Variants in INPP4B observed in about 807,000 individuals in gnomAD.
INPP4B encodes the protein inositol polyphosphate 4-phosphatase type II.
A neutral mutation model predicts 122.5 loss-of-function variants in INPP4B; 55 were observed. That is an observed-to-expected ratio of 0.45 (90% CI 0.36 to 0.56). The LOEUF (loss-of-function observed/expected upper bound fraction) is 0.56. Ranked by LOEUF, INPP4B falls within the 20% of genes least tolerant of loss-of-function variation. The pLI, the probability that INPP4B is intolerant of heterozygous loss-of-function variation, is 0.00. For missense variants in INPP4B, 1,000 were observed against 1,097.7 expected (o/e 0.91, Z 1.26); for synonymous variants, 403 against 388.7 (o/e 1.04, Z -0.43).
At chr4:142,232,465 G>A (rs1048298874) in intron 12 of INPP4B, among the ~76,000 whole-genome samples, 1 of 151,894 alleles carries the variant, frequency 6.6e-6, no homozygotes, top group Non-Finnish European at 1.5e-5. Context: ...AATTATTTTG[G>A]AGTGCCATGA....
At chr4:142,097,213 T>G (rs1192847550) in intron 23 of INPP4B, among the ~76,000 whole-genome samples, 1 of 22,170 alleles carries the variant, frequency 4.5e-5, no homozygotes, top group African/African-American at 5.5e-5. Flanking sequence ...ATTTTTTGTT[T>G]ATTTTATGTT....
intron 1 of INPP4B, among the ~76,000 whole-genome samples, chr4:142,792,522 T>A (rs1776696220): frequency 6.6e-6 from 1 of 152,068 alleles, no homozygotes. Flanking sequence ...GATAGTTTAT[T>A]TAATCATTGC....
chr4:142,086,269 A>C lies in INPP4B; in HGVS notation c.2375-13T>G, dbSNP rs1390038492. 7.6e-7 allele frequency: 1 copy of C among 1,319,780 alleles called. No homozygotes were observed. Among genetic ancestry groups the C allele is most frequent in the Admixed American group, 1.7e-5 (1 of 58,446 alleles). The allele number at this position is 1,319,780 out of a possible 1,614,324, so 81.8% of individuals were successfully genotyped here. A position where few individuals can be genotyped will look rare whatever the true frequency, so the allele number is the denominator to read the frequency against. On this transcript the variant is annotated splice_polypyrimidine_tract_variant and intron_variant, in intron 23 of 25. Transcript: ENST00000262992. Reference sequence around the variant, plus strand: ...AAATGTGAAATATCTGAAGGGGAAAAAACAAAGGAGAAAAATAAAATGAGA... The same window carrying C: ...AAATGTGAAATATCTGAAGGGGAAACAACAAAGGAGAAAAATAAAATGAGA...
intron 7 of INPP4B, among the ~76,000 whole-genome samples, chr4:142,324,224 A>C (rs1157151144): frequency 2.6e-5 from 4 of 152,066 alleles, no homozygotes; most frequent in Non-Finnish European, 5.9e-5. Context: ...TTGATCTTGG[A>C]TTTGCAGACT....
chr4:142,080,269 A>G (rs775829484), intron 25 of INPP4B, among the ~76,000 whole-genome samples: 1 of 152,160 alleles, frequency 6.6e-6, no homozygotes, highest in Non-Finnish European at 1.5e-5. Context: ...CAGAGCTTGT[A>G]AACCTATGAG....
intron 5 of INPP4B, among the ~76,000 whole-genome samples, chr4:142,416,669 A>G (rs905052459): frequency 6.6e-6 from 1 of 152,148 alleles, no homozygotes; most frequent in Non-Finnish European, 1.5e-5. Context: ...TGTTGTCTCC[A>G]TCTAGATCAT....
intron 7 of INPP4B, among the ~76,000 whole-genome samples, chr4:142,378,607 T>A (rs149628215): frequency 1.1e-3 from 171 of 152,258 alleles, no homozygotes; most frequent in Non-Finnish European, 5.3e-4. Context: ...CCTACATTAA[T>A]TGAAAAGATT....
chr4:142,248,258 A>G (rs1729939670), intron 11 of INPP4B, among the ~76,000 whole-genome samples: 1 of 151,146 alleles, frequency 6.6e-6, no homozygotes, highest in African/African-American at 2.4e-5. Flanking sequence ...TTTCCCCATG[A>G]GATTTAAGAA....
chr4:142,349,178 T>A (rs1781220498), intron 7 of INPP4B, among the ~76,000 whole-genome samples: 1 of 152,098 alleles, frequency 6.6e-6, no homozygotes, highest in Admixed American at 6.6e-5. Flanking sequence ...GCAATCTGTC[T>A]TAACTTAGAT....
intron 18 of INPP4B, among the ~76,000 whole-genome samples, chr4:142,128,286 T>C (rs957097136): frequency 1.5e-4 from 23 of 151,412 alleles, no homozygotes; most frequent in African/African-American, 5.1e-4. Context: ...AGTTGAAACT[T>C]GAAAAAACTA....
intron 2 of INPP4B, among the ~76,000 whole-genome samples, chr4:142,571,559 A>G (rs1307981323): frequency 3.3e-5 from 5 of 152,126 alleles, no homozygotes; most frequent in Non-Finnish European, 2.9e-5. Flanking sequence ...TATTCTTACT[A>G]CATGTCCTCA....
At chr4:142,810,593 C>A (rs190044588) in intron 1 of INPP4B, among the ~76,000 whole-genome samples, 63 of 151,776 alleles carry the variant, frequency 4.2e-4, no homozygotes, top group Admixed American at 4.6e-4. Flanking sequence ...TAGTACCTAA[C>A]GAGTGATTTC....
chr4:142,214,940 T>C (rs1406030574), intron 12 of INPP4B, among the ~76,000 whole-genome samples: 1 of 152,242 alleles, frequency 6.6e-6, no homozygotes, highest in Non-Finnish European at 1.5e-5. Flanking sequence ...TTTTCCTCAT[T>C]ATTTGTCATC....
At chr4:142,350,818 C>T (rs1781723985) in intron 7 of INPP4B, among the ~76,000 whole-genome samples, 1 of 152,032 alleles carries the variant, frequency 6.6e-6, no homozygotes. Flanking sequence ...AATTATCTCT[C>T]AGCTCCAAAT....
chr4:142,732,283 T>TATCCCACACC, intron 1 of INPP4B, among the ~76,000 whole-genome samples: 1 of 152,126 alleles, frequency 6.6e-6, no homozygotes, highest in Non-Finnish European at 1.5e-5. Flanking sequence ...TATCCCACAC[T>TATCCCACACC]CTCATCTATA....
At position 142,623,646 on chromosome 4, in the gene INPP4B, C is replaced by T. The variant is rs138589036; in HGVS notation, c.-191+102193G>A. Among the ~76,000 whole-genome samples the T allele has an allele frequency of 5.1e-3, 771 of 151,842 alleles. 6 individuals carry two copies. Among genetic ancestry groups the T allele is most frequent in the African/African-American group, 0.018 (744 of 41,404 alleles). ...GGTTAGTTACATATGTATACATGTG[C>T]CATGCTCGTGTGCTGCACCCATTAA... On this transcript the variant is annotated intron_variant, in intron 2 of 25. Coordinates refer to ENST00000262992, the MANE Select transcript of INPP4B (RefSeq NM_001101669.3).
chr4:142,281,957 T>A (rs1302923926), intron 9 of INPP4B, among the ~76,000 whole-genome samples: 1 of 152,116 alleles, frequency 6.6e-6, no homozygotes, highest in Non-Finnish European at 1.5e-5. Flanking sequence ...CAAATATTTA[T>A]TAAGCACTTA....
rs909675713 is a variant in INPP4B at position 142,025,934 on chromosome 4, A to T, written c.*2848T>A. The T allele has an allele frequency of 6.6e-5, 10 of 152,214 alleles. No individual in the cohort carries two copies. Among genetic ancestry groups the T allele is most frequent in the Non-Finnish European group, 1.0e-4 (7 of 68,052 alleles). The allele number at this position is 152,214 out of a possible 1,614,324, so 9.4% of individuals were successfully genotyped here. A position where few individuals can be genotyped will look rare whatever the true frequency, so the allele number is the denominator to read the frequency against. On this transcript the variant is annotated 3_prime_UTR_variant, in exon 26 of 26. Transcript: ENST00000262992. The stretch of plus-strand genomic sequence containing the variant: ...CTCAAGGCGATATTTAAAAGCAAAA[A>T]GCAATGATATGAGATGTAAATGAAT...
In INPP4B at chr4:142,759,158, C is replaced by A. The variant is rs79629407; in HGVS notation, c.-253-33257G>T. Reference sequence around the variant, plus strand: ...AAGAGTTAGTTTGACTTACTTAAAGCATTTAACTAGTATGTAGAAGAGAAA... The same window carrying A: ...AAGAGTTAGTTTGACTTACTTAAAGAATTTAACTAGTATGTAGAAGAGAAA... On this transcript the variant is annotated intron_variant, in intron 1 of 25. Transcript: ENST00000262992. Among the ~76,000 whole-genome samples the A allele has an allele frequency of 8.5e-3, 1,297 of 152,208 alleles. 26 individuals carry two copies. Among genetic ancestry groups the A allele is most frequent in the African/African-American group, 0.03 (1,235 of 41,528 alleles).
Sources: gnomAD v4.1 joint callset for allele counts (sites outside exome capture counted in the v4.1 genomes callset) on GRCh38, gnomAD v4.1.1 for gene constraint, MANE v1.5 for transcripts, NCBI Gene and HGNC (gene_info 2026-07-23, HGNC 2026-07-21) for gene names.